Variants in DYNC2H1 observed in about 807,000 individuals in gnomAD.
The protein encoded by DYNC2H1 is dynein cytoplasmic 2 heavy chain 1.
DYNC2H1 carries 410 observed loss-of-function variants against 570.0 expected under a neutral mutation model. The ratio of observed to expected loss-of-function variants is 0.72; its 90% confidence interval spans 0.66 to 0.78. The LOEUF (loss-of-function observed/expected upper bound fraction) is 0.78. Ranked by LOEUF, DYNC2H1 falls within the 30% of genes least tolerant of loss-of-function variation. The probability of loss-of-function intolerance (pLI) is 0.00; values close to 1 mark genes in which losing one functional copy is unlikely to be tolerated. For synonymous variants in DYNC2H1, 1,688 were observed against 1,677.6 expected, an observed-to-expected ratio of 1.01 and a Z score of -0.15; for missense variants, 4,865 against 5,046.4, an observed-to-expected ratio of 0.96 and a Z score of 1.09.
rs551403371 is a variant in DYNC2H1, at chr11:103,439,696, A to G, written c.12456+3664A>G. ...GAGTCTTGCAGGCAGCCTTGCATTCACTCTCTGGTTTCTGTAAGATCCTTT... is the reference window on the plus strand; with the variant it reads ...GAGTCTTGCAGGCAGCCTTGCATTCGCTCTCTGGTTTCTGTAAGATCCTTT... On this transcript the variant is annotated intron_variant, in intron 85 of 88. Transcript: ENST00000375735. This position sits in a 1 kb window ranked among gnomAD's most constrained non-coding sequence, Gnocchi z 4.1. Among the ~76,000 whole-genome samples, 22 of 151,870 alleles carry G rather than the reference A, an allele frequency of 1.4e-4. No individual in the cohort carries two copies. The highest frequency in any genetic ancestry group is 5.1e-4 in the African/African-American group (21 of 41,410).
intron 79 of DYNC2H1, among the ~76,000 whole-genome samples, chr11:103,314,903 T>C (rs1937732663): frequency 6.6e-6 from 1 of 152,048 alleles, no homozygotes; most frequent in African/African-American, 2.4e-5. Flanking sequence ...AAAAATAAAC[T>C]TTTTCACATA....
At position 103,314,351 on chromosome 11, in the gene DYNC2H1, T is replaced by C. The variant is rs150034910; in HGVS notation, c.11650-2194T>C. Reference sequence around the variant, plus strand: ...TTTTAAAACAATATGTTTGACATTGTTAAGTATCAGTGTCTATTTAATGCC... The same window carrying C: ...TTTTAAAACAATATGTTTGACATTGCTAAGTATCAGTGTCTATTTAATGCC... On this transcript the variant is annotated intron_variant, in intron 79 of 88. Transcript: ENST00000375735. 1.1e-3 allele frequency among the ~76,000 whole-genome samples: 169 copies of C among 152,266 alleles called. 2 individuals carry two copies. In the East Asian group the frequency reaches 0.03, roughly 27 times the overall value.
intron 83 of DYNC2H1, among the ~76,000 whole-genome samples, chr11:103,390,050 C>T (rs1056254199): frequency 1.3e-5 from 2 of 152,084 alleles, no homozygotes; most frequent in African/African-American, 4.8e-5. Context: ...CCTGGATATC[C>T]TTGCGAAATT....
At chr11:103,301,497 T>C (rs1867045425) in intron 75 of DYNC2H1, among the ~76,000 whole-genome samples, 1 of 151,970 alleles carries the variant, frequency 6.6e-6, no homozygotes, top group South Asian at 2.1e-4. Flanking sequence ...ATTGCAAGTA[T>C]GTAAGAATTC....
chr11:103,321,622 G>T (rs541759387), intron 81 of DYNC2H1, among the ~76,000 whole-genome samples: 2 of 152,196 alleles, frequency 1.3e-5, no homozygotes, highest in African/African-American at 4.8e-5. Context: ...TAATAAATAT[G>T]TGTCTTCAGT....
chr11:103,278,475 T>A (rs140131096), intron 70 of DYNC2H1, among the ~76,000 whole-genome samples: 10 of 152,260 alleles, frequency 6.6e-5, no homozygotes, highest in African/African-American at 1.9e-4. Flanking sequence ...AGAGAGATGA[T>A]GTAATTTGTT....
chr11:103,133,883 C>A lies in DYNC2H1; in HGVS notation c.2106+176C>A, dbSNP rs530141006. ...TCCCTGTTGTTAACAACTTATATAACCGGAGTAGTTATCAAAACCAGGAAA... is the reference window on the plus strand; with the variant it reads ...TCCCTGTTGTTAACAACTTATATAAACGGAGTAGTTATCAAAACCAGGAAA... On this transcript the variant is annotated intron_variant, in intron 14 of 88. Transcript: ENST00000375735. The surrounding 1 kb of genome is among the most constrained non-coding windows in gnomAD (Gnocchi z 4.8). 1.3e-5 allele frequency among the ~76,000 whole-genome samples: 2 copies of A among 152,176 alleles called. No individual in the cohort carries two copies. Among genetic ancestry groups the A allele is most frequent in the East Asian group, 3.9e-4 (2 of 5,184 alleles).
Position 103,220,668 on chromosome 11 carries a change from G to T in DYNC2H1, c.8992G>T (p.Glu2998Ter), listed in dbSNP as rs374762677. 6.2e-7 allele frequency: 1 copy of T among 1,612,104 alleles called. No individual in the cohort carries two copies. Among genetic ancestry groups the T allele is most frequent in the Non-Finnish European group, 8.5e-7 (1 of 1,178,806 alleles). ...ACTAGCAGTTGGAAACATTAAGCCC[G>T]AATCACTTTCAGAAATTCGCTCACT... ...AKLAVGNIKPESLSEIRSLRM... is the reference protein window; with the variant it reads ...AKLAVGNIKP The change falls in exon 57 of 89, where the codon GAA becomes TAA. Residue 2998 changes from glutamate to a stop codon, truncating the protein, a stop_gained. Transcript: ENST00000375735. LOFTEE classifies it high-confidence loss of function.
At position 103,116,721 on chromosome 11, in the gene DYNC2H1, G is replaced by A; in HGVS notation, c.766+7G>A. ...CATCTCTTAGACATCATAGGTACTAGTAAAAAAATGAACTTTTGGAATTTT... is the reference window on the plus strand; with the variant it reads ...CATCTCTTAGACATCATAGGTACTAATAAAAAAATGAACTTTTGGAATTTT... On this transcript the variant is annotated splice_region_variant and intron_variant, in intron 5 of 88. Coordinates refer to ENST00000375735, the MANE Select transcript of DYNC2H1 (RefSeq NM_001377.3). 4 of 1,572,020 alleles carry A rather than the reference G, an allele frequency of 2.5e-6. No individual in the cohort carries two copies. The highest frequency in any genetic ancestry group is 3.4e-6 in the Non-Finnish European group (4 of 1,162,100).
At chr11:103,174,258 A>G (rs765997048) in intron 36 of DYNC2H1, 88 bp downstream of exon 36, 3 of 1,127,240 alleles carry the variant, frequency 2.7e-6, no homozygotes, top group Non-Finnish European at 3.8e-6. Flanking sequence ...GAAAAGTTGT[A>G]GATACAATAT....
chr11:103,189,562 T>G lies in DYNC2H1; in HGVS notation c.7293-110T>G. ...CCCCTGGGTAAGCTTTGGAGATATGTAGGTCTTAGAGCAGCACAGTTTCAA... is the reference window on the plus strand; with the variant it reads ...CCCCTGGGTAAGCTTTGGAGATATGGAGGTCTTAGAGCAGCACAGTTTCAA... On this transcript the variant is annotated intron_variant, in intron 44 of 88. Transcript: ENST00000375735. The surrounding 1 kb of genome is among the most constrained non-coding windows in gnomAD (Gnocchi z 4.3). 9.8e-7 allele frequency: 1 copy of G among 1,025,312 alleles called. No individual in the cohort carries two copies. The highest frequency in any genetic ancestry group is 1.4e-6 in the Non-Finnish European group (1 of 701,252). 63.5% of individuals were successfully genotyped at this position (1,025,312 alleles called of 1,614,324 possible).
chr11:103,442,283 G>T (rs1331703493), intron 85 of DYNC2H1, among the ~76,000 whole-genome samples: 1 of 151,922 alleles, frequency 6.6e-6, no homozygotes, highest in Non-Finnish European at 1.5e-5. Context: ...TTTTAGTGAA[G>T]GAGATAGATA....
In DYNC2H1 at chr11:103,187,605, AGT is replaced by A; in HGVS notation, c.7140+22_7140+23del. 1.2e-6 allele frequency: 2 copies of A among 1,608,950 alleles called. No individual in the cohort carries two copies. Among genetic ancestry groups the A allele is most frequent in the South Asian group, 2.2e-5 (2 of 89,982 alleles). On this transcript the variant is annotated intron_variant, in intron 43 of 88. Coordinates refer to ENST00000375735, the MANE Select transcript of DYNC2H1 (RefSeq NM_001377.3). ...ACAACAGGTAAGTCATATTGCTTGA[AGT>A]GTTTTAATCTAATTGGAAACAATTT...
intron 84 of DYNC2H1, among the ~76,000 whole-genome samples, chr11:103,401,231 T>TC (rs1235414376): frequency 1.3e-5 from 2 of 152,182 alleles, no homozygotes; most frequent in African/African-American, 4.8e-5. Flanking sequence ...TCTGGGTATG[T>TC]CCTGTTGTCA....
chr11:103,310,109 T>A (rs1160689358), intron 78 of DYNC2H1, among the ~76,000 whole-genome samples: 2 of 152,108 alleles, frequency 1.3e-5, no homozygotes, highest in African/African-American at 4.8e-5. Context: ...CACTTCATTA[T>A]TTTTTTCCTT....
At chr11:103,380,795 C>G (rs1360103262) in intron 83 of DYNC2H1, among the ~76,000 whole-genome samples, 2 of 152,152 alleles carry the variant, frequency 1.3e-5, no homozygotes, top group African/African-American at 4.8e-5. Flanking sequence ...CTCCTGAGCT[C>G]AGGCGATCCA....
At chr11:103,381,534 C>A (rs1164306464) in intron 83 of DYNC2H1, among the ~76,000 whole-genome samples, 4 of 152,196 alleles carry the variant, frequency 2.6e-5, no homozygotes, top group Non-Finnish European at 5.9e-5. Flanking sequence ...ACTGCAACCT[C>A]CACCTCCCGC....
At chr11:103,297,839 A>G (rs1866898422) in intron 75 of DYNC2H1, among the ~76,000 whole-genome samples, 2 of 152,128 alleles carry the variant, frequency 1.3e-5, no homozygotes, top group Non-Finnish European at 2.9e-5. Context: ...AATACAAGCT[A>G]TCATCAGCTC....
intron 1 of DYNC2H1, among the ~76,000 whole-genome samples, chr11:103,111,073 G>T (rs944969147): frequency 6.6e-6 from 1 of 152,144 alleles, no homozygotes; most frequent in Non-Finnish European, 1.5e-5. Flanking sequence ...TGATCCACCC[G>T]CCTTGGCCTC....
Sources: allele counts gnomAD v4.1 joint callset (sites outside exome capture counted in the v4.1 genomes callset), GRCh38; gene constraint gnomAD v4.1.1; non-coding constraint Gnocchi (gnomAD v3.1); transcripts MANE v1.5; gene names NCBI Gene and HGNC (gene_info 2026-07-23, HGNC 2026-07-21).